The following PACRGL variants were observed in gnomAD, a reference collection of about 807,000 sequenced individuals.
The protein encoded by PACRGL is parkin coregulated like, also known as PACRG-like protein.
PACRGL carries 38 observed loss-of-function variants against 34.5 expected under a neutral mutation model. The ratio of observed to expected loss-of-function variants is 1.10; its 90% confidence interval spans 0.85 to 1.44. The LOEUF (loss-of-function observed/expected upper bound fraction) is 1.44. Among genes scored for constraint, PACRGL ranks in the 40% most tolerant of loss-of-function variants. The probability of loss-of-function intolerance (pLI) is 0.00; values close to 1 mark genes in which losing one functional copy is unlikely to be tolerated. For synonymous variants in PACRGL, 128 were observed against 100.1 expected (o/e 1.28, Z -1.66); for missense variants, 305 against 281.4 (o/e 1.08, Z -0.60).
At chr4:20,698,431 C>A (rs945717552), upstream of PACRGL, among the ~76,000 whole-genome samples, 1 of 152,158 alleles carries the variant, frequency 6.6e-6, no homozygotes, top group Non-Finnish European at 1.5e-5. Context: ...TTACTCCTAT[C>A]GCCCAACTCA....
At chr4:20,760,532 A>C in the PACRGL span, among the ~76,000 whole-genome samples, 1 of 152,164 alleles carries the variant, frequency 6.6e-6, no homozygotes, top group African/African-American at 2.4e-5. Context: ...GAAAGGTAGG[A>C]CCTTTGATAC....
chr4:20,710,735 T>C (rs1489332395), intron 5 of PACRGL, among the ~76,000 whole-genome samples: 1 of 152,180 alleles, frequency 6.6e-6, no homozygotes, highest in East Asian at 1.9e-4. Context: ...AAATCTCTGG[T>C]TCCTCATTTA....
downstream of PACRGL, among the ~76,000 whole-genome samples, chr4:20,754,440 C>T (rs2149350855): frequency 6.6e-6 from 1 of 152,212 alleles, no homozygotes; most frequent in South Asian, 2.1e-4. Context: ...AAGGATGACT[C>T]CGTGGAAGTG....
chr4:20,709,201 AATGGGCC>A (rs1735970013), intron 4 of PACRGL, among the ~76,000 whole-genome samples: 1 of 152,138 alleles, frequency 6.6e-6, no homozygotes, highest in Non-Finnish European at 1.5e-5. Context: ...TGTAACCCTA[AATGGGCC>A]ATTTTACCTT....
At chr4:20,758,908 G>C in the PACRGL span, 7 of 1,604,034 alleles carry the variant, frequency 4.4e-6, no homozygotes, top group Non-Finnish European at 6.0e-6. Context: ...AAGTGGCAGA[G>C]AAGCAATATG....
chr4:20,757,314 ATCT>A (rs1754563310), downstream of PACRGL, among the ~76,000 whole-genome samples: 1 of 152,122 alleles, frequency 6.6e-6, no homozygotes, highest in African/African-American at 2.4e-5. Flanking sequence ...TACAGCAGTA[ATCT>A]TCTAATTAGT....
intron 6 of PACRGL, 97 bp downstream of exon 6, chr4:20,713,019 T>G (rs3764964): frequency 0.3 from 379,451 of 1,248,234 alleles, 59,943 homozygotes; most frequent in African/African-American, 0.43. Flanking sequence ...TCCCTCCATA[T>G]TATATGCAAA....
downstream of PACRGL, among the ~76,000 whole-genome samples, chr4:20,755,595 C>T (rs1754339748): frequency 1.3e-5 from 2 of 152,096 alleles, no homozygotes; most frequent in African/African-American, 4.8e-5. Context: ...AAAGAAACAA[C>T]AATGGTACAA....
At chr4:20,742,038 A>G (rs10027896) in intron 8 of PACRGL, among the ~76,000 whole-genome samples, 49,908 of 152,052 alleles carry the variant, frequency 0.33, 8,699 homozygotes, top group African/African-American at 0.43. Flanking sequence ...GAATCCCTGA[A>G]TAGACCAATA....
rs186491949 is a variant in PACRGL, at chr4:20,713,702, G to T, written c.609+163G>T. ...AGAGATTCTGGTATGTTGTGTCTTT[G>T]TTCTCGTTGGTTTCAAAGAACATCT... On this transcript the variant is annotated intron_variant, in intron 7 of 8. Transcript: ENST00000503585. Among the ~76,000 whole-genome samples, 598 of 152,156 alleles carry T rather than the reference G, an allele frequency of 3.9e-3. 6 individuals are homozygous for T. Among genetic ancestry groups the T allele is most frequent in the African/African-American group, 0.014 (561 of 41,506 alleles).
intron 8 of PACRGL, 39 bp from the exon 9 acceptor site, chr4:20,727,245 TG>T (rs1746148292): frequency 6.5e-7 from 1 of 1,542,536 alleles, no homozygotes; most frequent in South Asian, 1.1e-5. Flanking sequence ...AGGGGAACTC[TG>T]CATGATACTA....
At chr4:20,763,816 C>T in the PACRGL span, among the ~76,000 whole-genome samples, 2 of 152,092 alleles carry the variant, frequency 1.3e-5, no homozygotes, top group African/African-American at 2.4e-5. Flanking sequence ...CCTTGGCCTG[C>T]CAAAGTGCTG....
In PACRGL at chr4:20,730,514, A is replaced by G. The variant is rs1052353813; in HGVS notation, c.*3173A>G. Among the ~76,000 whole-genome samples, 1 of 152,166 alleles carries G rather than the reference A, an allele frequency of 6.6e-6. No individual in the cohort carries two copies. The highest frequency in any genetic ancestry group is 1.5e-5 in the Non-Finnish European group (1 of 68,032). Reference sequence around the variant, plus strand: ...CAGGCCAAATCACACAGACTTTTATACAGGTACAAGGAAAATTTGTGTGTA... The same window carrying G: ...CAGGCCAAATCACACAGACTTTTATGCAGGTACAAGGAAAATTTGTGTGTA... On this transcript the variant is annotated 3_prime_UTR_variant, in exon 9 of 9. Transcript: ENST00000503585.
chr4:20,709,903 A>G, intron 5 of PACRGL, 130 bp downstream of exon 5: 1 of 649,156 alleles, frequency 1.5e-6, no homozygotes, highest in East Asian at 2.7e-5. Context: ...AGGCATTGAA[A>G]CACCACACAC....
upstream of PACRGL, among the ~76,000 whole-genome samples, chr4:20,697,028 T>C (rs1456821458): frequency 6.6e-6 from 1 of 152,250 alleles, no homozygotes; most frequent in Non-Finnish European, 1.5e-5. Context: ...TTTAAAATTG[T>C]ATTATGTGAC....
intron 8 of PACRGL, among the ~76,000 whole-genome samples, chr4:20,748,800 T>G (rs141528787): frequency 1.0e-3 from 150 of 150,066 alleles, no homozygotes; most frequent in African/African-American, 3.3e-3. Context: ...TTGGGTTTAT[T>G]CTCCTAATGT....
At chr4:20,713,365 A>T in intron 6 of PACRGL, 67 bp from the exon 7 acceptor site, 2 of 1,253,032 alleles carry the variant, frequency 1.6e-6, no homozygotes, top group South Asian at 1.3e-5. Context: ...TTTCTAACCT[A>T]TCTTTTCTTT....
chr4:20,745,214 A>G (rs535755373), intron 8 of PACRGL, among the ~76,000 whole-genome samples: 1 of 151,028 alleles, frequency 6.6e-6, no homozygotes, highest in African/African-American at 2.4e-5. Flanking sequence ...TGAAATTACC[A>G]TTTTTTTTTG....
chr4:20,742,612 T>C (rs1751399185), intron 8 of PACRGL, among the ~76,000 whole-genome samples: 1 of 152,172 alleles, frequency 6.6e-6, no homozygotes, highest in South Asian at 2.1e-4. Flanking sequence ...AATATCATAC[T>C]GAATGGGCAA....
Sources: allele counts gnomAD v4.1 joint callset (sites outside exome capture counted in the v4.1 genomes callset), GRCh38; gene constraint gnomAD v4.1.1; transcripts MANE v1.5; gene names NCBI Gene and HGNC (gene_info 2026-07-23, HGNC 2026-07-21).